The following ERC1 variants were observed in gnomAD, a reference collection of about 807,000 sequenced individuals.
ERC1 encodes RAB6 interacting protein 2.
ERC1 carries 56 observed loss-of-function variants against 132.0 expected under a neutral mutation model. The observed-to-expected ratio is 0.42, with a 90% CI of 0.34 to 0.53. The LOEUF is 0.53. ERC1 is among the 20% of genes least tolerant of loss of function. ERC1 has a pLI of 0.03. For synonymous variants in ERC1, 478 were observed against 476.1 expected (o/e 1.00, Z -0.05); for missense variants, 1,202 against 1,349.9 (o/e 0.89, Z 1.72).
intron 2 of ERC1, among the ~76,000 whole-genome samples, 187 bp from the exon 3 acceptor site, chr12:1,082,977 A>ACT (rs1204512854): frequency 6.6e-6 from 1 of 152,192 alleles, no homozygotes; most frequent in Non-Finnish European, 1.5e-5. Context: ...AATAAACTGA[A>ACT]GTTAAATTAC....
chr12:1,379,377 A>G (rs74057194), intron 16 of ERC1, among the ~76,000 whole-genome samples: 2,461 of 152,280 alleles, frequency 0.016, 70 homozygotes, highest in African/African-American at 0.056. Context: ...TTGAAGATCC[A>G]GTGGCAGCCT....
intron 16 of ERC1, chr12:1,385,806 A>G (rs1276093146): frequency 6.6e-6 from 1 of 152,198 alleles, no homozygotes; most frequent in Non-Finnish European, 1.5e-5. Context: ...TGTGCACTGA[A>G]GTAACTATTT....
intron 17 of ERC1, among the ~76,000 whole-genome samples, chr12:1,419,009 C>T (rs1029048892): frequency 5.9e-5 from 9 of 152,042 alleles, no homozygotes; most frequent in Non-Finnish European, 1.0e-4. Flanking sequence ...CCACAGAGAC[C>T]GGCTGAGGTC....
intron 12 of ERC1, among the ~76,000 whole-genome samples, chr12:1,202,292 A>G (rs1051377362): frequency 1.3e-5 from 2 of 152,220 alleles, no homozygotes; most frequent in African/African-American, 4.8e-5. Context: ...GTAGTGTTTC[A>G]CCTAAAAGTA....
rs1458163179 is a variant in ERC1 at position 1,028,195 on chromosome 12, C to T, written c.292C>T (p.Leu98=). 6.2e-7 allele frequency: 1 copy of T among 1,614,234 alleles called. No individual in the cohort carries two copies. The highest frequency in any genetic ancestry group is 8.5e-7 in the Non-Finnish European group (1 of 1,180,048). Residue 98 remains leucine (L), a synonymous_variant, in exon 2 of 19, where the codon CTG becomes TTG. Transcript: ENST00000360905. The part of the protein sequence containing the change: ...TMTLGRSGGR[L]PYGVRMTAMG... Reference sequence around the variant, plus strand: ...GACACTTGGCCGTTCTGGGGGACGTCTGCCTTACGGTGTTCGGATGACTGC... The same window carrying T: ...GACACTTGGCCGTTCTGGGGGACGTTTGCCTTACGGTGTTCGGATGACTGC...
chr12:1,178,655 T>A (rs1340681786), intron 8 of ERC1, among the ~76,000 whole-genome samples: 1 of 152,186 alleles, frequency 6.6e-6, no homozygotes, highest in Admixed American at 6.5e-5. Context: ...CTAGAGGAGA[T>A]AATGTTTATC....
At chr12:1,044,255 TAG>T (rs1414833514) in intron 2 of ERC1, among the ~76,000 whole-genome samples, 4 of 152,360 alleles carry the variant, frequency 2.6e-5, no homozygotes, top group Admixed American at 2.6e-4. Flanking sequence ...AGGTGATCTT[TAG>T]AGTCTTTCTT....
At chr12:1,261,285 C>T (rs1048879337) in intron 13 of ERC1, among the ~76,000 whole-genome samples, 15 of 152,038 alleles carry the variant, frequency 9.9e-5, no homozygotes, top group African/African-American at 2.2e-4. Flanking sequence ...TAGGATAGAC[C>T]GCACAAAGAC....
At chr12:1,130,861 A>G (rs774902909) in intron 7 of ERC1, among the ~76,000 whole-genome samples, 2 of 152,168 alleles carry the variant, frequency 1.3e-5, no homozygotes, top group Non-Finnish European at 2.9e-5. Flanking sequence ...AGGTGGGAAC[A>G]ATGGGAAATG....
rs551146918 is a variant in ERC1, at chr12:1,491,066, G to A, written c.*836G>A. The A allele has an allele frequency of 3.0e-5, 7 of 232,826 alleles. No individual in the cohort carries two copies. The highest frequency in any genetic ancestry group is 1.8e-4 in the East Asian group (3 of 16,548). The allele number at this position is 232,826 out of a possible 1,614,324, so 14.4% of individuals were successfully genotyped here. A position where few individuals can be genotyped will look rare whatever the true frequency, so the allele number is the denominator to read the frequency against. ...AGCACCAGCCAGGGCAACATAGCGT[G>A]ACCCTGTCTCTACAAAAAATTAAAA... On this transcript the variant is annotated 3_prime_UTR_variant, in exon 19 of 19. Transcript: ENST00000360905.
intron 12 of ERC1, among the ~76,000 whole-genome samples, chr12:1,231,456 C>T (rs577400682): frequency 2.6e-5 from 4 of 152,102 alleles, no homozygotes; most frequent in Non-Finnish European, 4.4e-5. Flanking sequence ...TTATGTACCA[C>T]GATTACAGCA....
chr12:1,323,500 C>G (rs2082251442), intron 15 of ERC1, among the ~76,000 whole-genome samples: 1 of 152,104 alleles, frequency 6.6e-6, no homozygotes, highest in African/African-American at 2.4e-5. Flanking sequence ...CACTGCCACA[C>G]CATTTGAAAC....
intron 17 of ERC1, among the ~76,000 whole-genome samples, chr12:1,428,593 G>A (rs1340248116): frequency 6.6e-6 from 1 of 152,104 alleles, no homozygotes; most frequent in East Asian, 1.9e-4. Context: ...CCTAACACTT[G>A]TGTATTCCAT....
chr12:1,098,125 C>T (rs564009003), intron 3 of ERC1, among the ~76,000 whole-genome samples: 10 of 152,284 alleles, frequency 6.6e-5, no homozygotes, highest in South Asian at 2.1e-4. Flanking sequence ...TCCCTCCCTA[C>T]GCCCCATACT....
intron 18 of ERC1, among the ~76,000 whole-genome samples, chr12:1,460,798 T>A (rs1259827284): frequency 1.3e-5 from 2 of 151,410 alleles, no homozygotes; most frequent in African/African-American, 4.9e-5. Flanking sequence ...CCTCCCAGTT[T>A]TAGGACAGTA....
intron 12 of ERC1, among the ~76,000 whole-genome samples, chr12:1,229,927 T>C (rs1393862176): frequency 6.6e-6 from 1 of 152,082 alleles, no homozygotes; most frequent in Non-Finnish European, 1.5e-5. Context: ...ACTTGTCTCT[T>C]TGAACTGCTT....
intron 7 of ERC1, among the ~76,000 whole-genome samples, chr12:1,120,204 G>A (rs1417353159): frequency 2.6e-5 from 4 of 151,988 alleles, no homozygotes; most frequent in African/African-American, 4.8e-5. Flanking sequence ...ATGTTGCCCA[G>A]GATGTTCTTG....
At chr12:1,454,051 C>A (rs1050002458) in intron 18 of ERC1, among the ~76,000 whole-genome samples, 1 of 152,094 alleles carries the variant, frequency 6.6e-6, no homozygotes, top group Admixed American at 6.5e-5. Context: ...CCAGCCCACA[C>A]CCCAGCCTCT....
chr12:1,399,777 T>A (rs1439698459), intron 16 of ERC1, among the ~76,000 whole-genome samples: 2 of 152,240 alleles, frequency 1.3e-5, no homozygotes, highest in Non-Finnish European at 2.9e-5. Context: ...ATTTTATGTA[T>A]CCATTCATAA....
Sources: allele counts gnomAD v4.1 joint callset (sites outside exome capture counted in the v4.1 genomes callset), GRCh38; gene constraint gnomAD v4.1.1; transcripts MANE v1.5; gene names NCBI Gene and HGNC (gene_info 2026-07-23, HGNC 2026-07-21).